Variants in CSNK1D observed in about 807,000 individuals in gnomAD.
CSNK1D encodes casein kinase I isoform delta.
A neutral mutation model predicts 46.6 loss-of-function variants in CSNK1D; 16 were observed. The observed-to-expected ratio is 0.34, with a 90% confidence interval of 0.23 to 0.52. CSNK1D has a LOEUF of 0.52. Ranked by LOEUF, CSNK1D falls within the 20% of genes least tolerant of loss-of-function variation. The probability of loss-of-function intolerance (pLI) is 0.95; values close to 1 mark genes in which losing one functional copy is unlikely to be tolerated. For synonymous variants in CSNK1D, 276 were observed against 228.2 expected, an observed-to-expected ratio of 1.21 and a Z score of -1.89; for missense variants, 398 against 578.4, an observed-to-expected ratio of 0.69 and a Z score of 3.20.
intron 3 of CSNK1D, chr17:82,254,294 G>A (rs1421148345): frequency 1.1e-4 from 31 of 279,972 alleles, no homozygotes; most frequent in South Asian, 5.7e-4. Flanking sequence ...GCGCTGAGCC[G>A]CCGGAGCCTC....
At position 82,242,670 on chromosome 17, in the gene CSNK1D, G is replaced by T. The variant is rs548277065; in HGVS notation, c.*2111C>A. The T allele has an allele frequency of 2.0e-6, 2 of 985,382 alleles. No homozygotes were observed. The highest frequency in any genetic ancestry group is 2.4e-6 in the Non-Finnish European group (2 of 829,850). The allele number at this position is 985,382 out of a possible 1,614,324, so 61.0% of individuals were successfully genotyped here. A position where few individuals can be genotyped will look rare whatever the true frequency, so the allele number is the denominator to read the frequency against. On this transcript the variant is annotated 3_prime_UTR_variant, in exon 9 of 9. Coordinates refer to ENST00000314028, the MANE Select transcript of CSNK1D (RefSeq NM_001893.6). ...CCACATGGAAAGGGGAGGGAAGAAA[G>T]GTAGAAGTCATTATGAATTTATTAT...
rs765502737 is a variant in CSNK1D, at chr17:82,255,409, T to C, written c.336+20A>G. Reference sequence around the variant, plus strand: ...TATCAGACAGCAAGTGTGTGCCAACTGTCAGGAAACAGTCCTTACCATTTG... The same window carrying C: ...TATCAGACAGCAAGTGTGTGCCAACCGTCAGGAAACAGTCCTTACCATTTG... On this transcript the variant is annotated intron_variant, in intron 3 of 8. Transcript: ENST00000314028. The surrounding 1 kb of genome is among the most constrained non-coding windows in gnomAD (Gnocchi z 5.9). 6.2e-7 allele frequency: 1 copy of C among 1,614,058 alleles called. No homozygotes were observed. Among genetic ancestry groups the C allele is most frequent in the Non-Finnish European group, 8.5e-7 (1 of 1,179,942 alleles).
downstream of CSNK1D, chr17:82,239,721 G>C (rs1286805795): frequency 1.3e-5 from 5 of 375,308 alleles, no homozygotes; most frequent in Non-Finnish European, 2.4e-5. Context: ...GGTTAGATGG[G>C]AGCTGAGGTG....
chr17:82,249,735 C>T lies in CSNK1D; in HGVS notation c.886-133G>A, dbSNP rs1019751761. 1 of 1,506,612 alleles carries T rather than the reference C, an allele frequency of 6.6e-7. No homozygotes were observed. Among genetic ancestry groups the T allele is most frequent in the East Asian group, 2.5e-5 (1 of 40,530 alleles). The allele number at this position is 1,506,612 out of a possible 1,614,324, so 93.3% of individuals were successfully genotyped here. On this transcript the variant is annotated intron_variant, in intron 6 of 8. Transcript: ENST00000314028. The surrounding 1 kb of genome is among the most constrained non-coding windows in gnomAD (Gnocchi z 6.7). ...GGACGAGACTGCCTGCAAAGCCCCC[C>T]ACAGGCTGCACGTTTCTCCTCATGG...
intron 2 of CSNK1D, among the ~76,000 whole-genome samples, chr17:82,263,993 C>T (rs779298161): frequency 6.6e-6 from 1 of 152,202 alleles, no homozygotes; most frequent in Admixed American, 6.5e-5. Flanking sequence ...ACACTGGGTG[C>T]CCCTCTCTGT....
chr17:82,241,094 G>A (rs1351552989), downstream of CSNK1D, among the ~76,000 whole-genome samples: 3 of 151,758 alleles, frequency 2.0e-5, no homozygotes, highest in South Asian at 2.1e-4. Flanking sequence ...CCAGAGACAC[G>A]TCCGTCCAGA....
downstream of CSNK1D, chr17:82,242,666 G>A (rs1346621067): frequency 2.0e-6 from 2 of 985,284 alleles, no homozygotes; most frequent in African/African-American, 1.7e-5. Context: ...GGGGAGGGAA[G>A]AAAGGTAGAA....
Position 82,244,445 on chromosome 17 carries a change from G to A in CSNK1D, c.*336C>T, listed in dbSNP as rs1394562449. 5 of 1,306,584 alleles carry A rather than the reference G, an allele frequency of 3.8e-6. No individual in the cohort carries two copies. Among genetic ancestry groups the A allele is most frequent in the East Asian group, 3.4e-5 (1 of 29,460 alleles). 80.9% of individuals were successfully genotyped at this position (1,306,584 alleles called of 1,614,324 possible). The stretch of plus-strand genomic sequence containing the variant: ...ACCAAGTAGAAGATTGGTAGTTACA[G>A]TGGAATCGTCAGGGAGTACAGGGCG... On this transcript the variant is annotated 3_prime_UTR_variant, in exon 9 of 9. Transcript: ENST00000314028.
chr17:82,246,472 G>A (rs1287717883), intron 8 of CSNK1D: 3 of 1,117,500 alleles, frequency 2.7e-6, no homozygotes, highest in Admixed American at 4.4e-5. Context: ...TCGACTGTTG[G>A]AATGACAAGG....
rs976123964 is a variant in CSNK1D, at chr17:82,249,126, G to T, written c.1058-112C>A. ...GACCCTGGGCTGCCTGGACAGTCAG[G>T]ACCTGGCTGTGGCCGATGGCCACCA... On this transcript the variant is annotated intron_variant, in intron 7 of 8. Coordinates refer to ENST00000314028, the MANE Select transcript of CSNK1D (RefSeq NM_001893.6). The surrounding 1 kb of genome is among the most constrained non-coding windows in gnomAD (Gnocchi z 6.7). The T allele has an allele frequency of 5.2e-6, 7 of 1,345,894 alleles. No individual in the cohort carries two copies. The African/African-American group carries it at 1.0e-4, about 20-fold the overall frequency. The allele number at this position is 1,345,894 out of a possible 1,614,324, so 83.4% of individuals were successfully genotyped here.
At chr17:82,246,529 T>C (rs2050854333) in intron 8 of CSNK1D, 1 of 1,067,460 alleles carries the variant, frequency 9.4e-7, no homozygotes, top group Non-Finnish European at 1.1e-6. Flanking sequence ...AGCAACTAGA[T>C]GGCCTTTAGG....
chr17:82,269,698 A>T (rs1443811579), intron 1 of CSNK1D, among the ~76,000 whole-genome samples: 1 of 152,160 alleles, frequency 6.6e-6, no homozygotes, highest in African/African-American at 2.4e-5. Context: ...CCTGCCACTA[A>T]CCTCCAGAAC....
In CSNK1D at chr17:82,251,060, A is replaced by C; in HGVS notation, c.885+319T>G. 1 of 397,496 alleles carries C rather than the reference A, an allele frequency of 2.5e-6. No individual in the cohort carries two copies. Among genetic ancestry groups the C allele is most frequent in the East Asian group, 5.8e-5 (1 of 17,374 alleles). 24.6% of individuals were successfully genotyped at this position (397,496 alleles called of 1,614,324 possible). On this transcript the variant is annotated intron_variant, in intron 6 of 8. Coordinates refer to ENST00000314028, the MANE Select transcript of CSNK1D (RefSeq NM_001893.6). The surrounding 1 kb of genome is among the most constrained non-coding windows in gnomAD (Gnocchi z 4.5). Reference sequence around the variant, plus strand: ...ACAGCGAATGGGAATGCGCACCCCCAGCCCCCACCCTCTGCCCCCAGGGCA... The same window carrying C: ...ACAGCGAATGGGAATGCGCACCCCCCGCCCCCACCCTCTGCCCCCAGGGCA...
chr17:82,265,603 T>C lies in CSNK1D; in HGVS notation c.187+83A>G, dbSNP rs550495187. ...CTTTTGCCCAGAACCAGTTTTGGGT[T>C]TATTTTAACCAGCAATGCTGAGTTG... On this transcript the variant is annotated intron_variant, in intron 2 of 8. Coordinates refer to ENST00000314028, the MANE Select transcript of CSNK1D (RefSeq NM_001893.6). 2,177 of 1,138,398 alleles carry C rather than the reference T, an allele frequency of 1.9e-3. 4 individuals are homozygous for C. The highest frequency in any genetic ancestry group is 2.5e-3 in the Non-Finnish European group (1,898 of 748,106). 70.5% of individuals were successfully genotyped at this position (1,138,398 alleles called of 1,614,324 possible).
rs573869982 is a variant in CSNK1D, at chr17:82,250,030, G to A, written c.886-428C>T. On this transcript the variant is annotated intron_variant, in intron 6 of 8. Coordinates refer to ENST00000314028, the MANE Select transcript of CSNK1D (RefSeq NM_001893.6). The surrounding 1 kb of genome is among the most constrained non-coding windows in gnomAD (Gnocchi z 4.6). ...GGGGTGGGGATGAGAGCGTTTGGTC[G>A]GACGAGGAGTACACTCAGGGTCCGG... 1.0e-4 allele frequency: 127 copies of A among 1,246,286 alleles called. No individual in the cohort carries two copies. Among genetic ancestry groups the A allele is most frequent in the Non-Finnish European group, 1.2e-4 (115 of 966,284 alleles). The allele number at this position is 1,246,286 out of a possible 1,614,324, so 77.2% of individuals were successfully genotyped here.
intron 2 of CSNK1D, among the ~76,000 whole-genome samples, chr17:82,256,801 A>G (rs1332727867): frequency 3.3e-5 from 5 of 152,092 alleles, no homozygotes; most frequent in Non-Finnish European, 5.9e-5. Context: ...ATGTTTTCAC[A>G]GCACTGGATC....
chr17:82,243,040 T>C lies in CSNK1D; in HGVS notation c.*1741A>G. On this transcript the variant is annotated 3_prime_UTR_variant, in exon 9 of 9. Coordinates refer to ENST00000314028, the MANE Select transcript of CSNK1D (RefSeq NM_001893.6). ...GGGGTCCAGCAACAAAGAAAATCTC[T>C]TAACTCGGCTCTGACCCACCCCAAC... 1 of 985,356 alleles carries C rather than the reference T, an allele frequency of 1.0e-6. No individual in the cohort carries two copies. The highest frequency in any genetic ancestry group is 1.2e-6 in the Non-Finnish European group (1 of 829,872). The allele number at this position is 985,356 out of a possible 1,614,324, so 61.0% of individuals were successfully genotyped here.
At chr17:82,242,079 T>C (rs1057029534), downstream of CSNK1D, among the ~76,000 whole-genome samples, 1 of 45,942 alleles carries the variant, frequency 2.2e-5, no homozygotes, top group East Asian at 5.5e-4. Context: ...GGAGGGGAGC[T>C]GGGAGGGGAG....
intron 2 of CSNK1D, 165 bp downstream of exon 2, chr17:82,265,521 A>G (rs1424605127): frequency 1.5e-6 from 1 of 676,566 alleles, no homozygotes; most frequent in East Asian, 2.8e-5. Flanking sequence ...TCTGGACCCA[A>G]GACTCTCTGA....
Sources: gnomAD v4.1 joint callset for allele counts (sites outside exome capture counted in the v4.1 genomes callset) on GRCh38, gnomAD v4.1.1 for gene constraint, Gnocchi (gnomAD v3.1) non-coding constraint, MANE v1.5 for transcripts, NCBI Gene and HGNC (gene_info 2026-07-23, HGNC 2026-07-21) for gene names.